The following ZNF875 variants were observed in gnomAD, a reference collection of about 807,000 sequenced individuals.
ZNF875 encodes HKR1, GLI-Kruppel zinc finger family member.
In ZNF875, 14 loss-of-function variants were observed where a neutral mutation model predicts 11.2. The observed-to-expected ratio is 1.26, with a 90% CI of 0.83 to 1.96. ZNF875 has a LOEUF of 1.96. ZNF875 is among the 30% of genes most tolerant of loss of function. The pLI is 0.00. For missense variants in ZNF875, 752 were observed against 760.4 expected (o/e 0.99, Z 0.13); for synonymous variants, 301 against 281.1 (o/e 1.07, Z -0.71).
intron 2 of ZNF875, among the ~76,000 whole-genome samples, chr19:37,341,631 T>C (rs2035740597): frequency 6.6e-6 from 1 of 152,164 alleles, no homozygotes; most frequent in African/African-American, 2.4e-5. Flanking sequence ...AGGGAGTAGA[T>C]ACAGGGAGAC....
intron 2 of ZNF875, among the ~76,000 whole-genome samples, chr19:37,335,868 T>C (rs1363036783): frequency 6.6e-6 from 1 of 152,212 alleles, no homozygotes; most frequent in Non-Finnish European, 1.5e-5. Context: ...TTTGGTCTTT[T>C]CGGCTCCAAA....
At chr19:37,320,858 A>G (rs2031276212) in intron 1 of ZNF875, among the ~76,000 whole-genome samples, 1 of 152,202 alleles carries the variant, frequency 6.6e-6, no homozygotes, top group Non-Finnish European at 1.5e-5. Flanking sequence ...AAGAGACTCC[A>G]TTTTGTTCTG....
intron 2 of ZNF875, among the ~76,000 whole-genome samples, chr19:37,338,095 C>A (rs1423713281): frequency 6.6e-6 from 1 of 152,054 alleles, no homozygotes; most frequent in African/African-American, 2.4e-5. Context: ...AGGACATTTC[C>A]CAAGGTAACA....
intron 2 of ZNF875, among the ~76,000 whole-genome samples, chr19:37,341,706 A>C (rs35828893): frequency 0.21 from 31,502 of 152,078 alleles, 3,769 homozygotes; most frequent in Middle Eastern, 0.28. Context: ...CCCCCTCCCA[A>C]GATCCCCAAA....
chr19:37,357,198 TAC>T (rs2039063394), intron 4 of ZNF875, among the ~76,000 whole-genome samples: 1 of 152,190 alleles, frequency 6.6e-6, no homozygotes, highest in South Asian at 2.1e-4. Context: ...TTTTTGTACT[TAC>T]ACCGTGCTGT....
Position 37,347,799 on chromosome 19 carries a change from A to C in ZNF875, c.183A>C (p.Lys61Asn). The change falls in exon 4 of 5, where the codon AAA becomes AAC. Residue 61 changes from lysine to asparagine, a missense_variant. By Grantham distance (94) the Lys-to-Asn change is moderately conservative (BLOSUM62 0). Transcript: ENST00000392153. ...VSLEIPSSKPKLIAQLERGEA... is the reference protein window; with the variant it reads ...VSLEIPSSKPNLIAQLERGEA... ...CAGAAATTCCATCTTCTAAACCAAAACTCATTGCTCAGCTGGAGCGAGGGG... is the reference window on the plus strand; with the variant it reads ...CAGAAATTCCATCTTCTAAACCAAACCTCATTGCTCAGCTGGAGCGAGGGG... 1.2e-6 allele frequency: 2 copies of C among 1,613,032 alleles called. No individual in the cohort carries two copies. The highest frequency in any genetic ancestry group is 1.7e-6 in the Non-Finnish European group (2 of 1,179,146).
At chr19:37,345,357 T>C (rs920030413) in intron 2 of ZNF875, among the ~76,000 whole-genome samples, 4 of 151,836 alleles carry the variant, frequency 2.6e-5, no homozygotes. Context: ...GTAGGTAGAG[T>C]CTTAAGGCCA....
intron 4 of ZNF875, among the ~76,000 whole-genome samples, chr19:37,348,491 T>G (rs1177304555): frequency 1.3e-5 from 2 of 152,218 alleles, no homozygotes; most frequent in African/African-American, 4.8e-5. Context: ...CTAAATCATC[T>G]ATATTGTTGT....
At chr19:37,346,073 T>C (rs73930971) in intron 2 of ZNF875, among the ~76,000 whole-genome samples, 46 of 152,334 alleles carry the variant, frequency 3.0e-4, no homozygotes, top group African/African-American at 1.1e-3. Flanking sequence ...ATGGAACTGA[T>C]GTCTTAGTGG....
At chr19:37,347,933 G>A in intron 4 of ZNF875, 61 bp downstream of exon 4, 2 of 961,402 alleles carry the variant, frequency 2.1e-6, no homozygotes, top group South Asian at 1.3e-5. Context: ...GAAGGAGGAG[G>A]CATCTCTCAG....
intron 2 of ZNF875, among the ~76,000 whole-genome samples, chr19:37,339,300 C>G (rs746739934): frequency 1.1e-4 from 17 of 152,132 alleles, no homozygotes; most frequent in African/African-American, 4.1e-4. Flanking sequence ...AAACAGCCAA[C>G]ACTTATCCCA....
chr19:37,325,380 A>G (rs1424472309), intron 4 of ZNF875, among the ~76,000 whole-genome samples: 1 of 152,188 alleles, frequency 6.6e-6, no homozygotes, highest in African/African-American at 2.4e-5. Flanking sequence ...GCTTTCCAAT[A>G]GAAATACAAT....
chr19:37,362,182 T>C lies in ZNF875; in HGVS notation c.330T>C (p.His110=), dbSNP rs1160508412. 2 of 1,613,986 alleles carry C rather than the reference T, an allele frequency of 1.2e-6. No homozygotes were observed. Among genetic ancestry groups the C allele is most frequent in the Non-Finnish European group, 1.7e-6 (2 of 1,180,002 alleles). The change falls in exon 5 of 5, where the codon CAT becomes CAC. Residue 110 remains histidine, a synonymous_variant. Coordinates refer to ENST00000392153, the MANE Select transcript of ZNF875 (RefSeq NM_001353803.2). ...CCAGTCAGCAAGCTCTCAGCCAACA[T>C]GTGTGGCTGAGTCATCTCTCTCAGC... is the stretch of plus-strand genomic sequence containing the variant. The part of the protein sequence containing the change: ...IFSSQQALSQ[H]VWLSHLSQLF...
chr19:37,359,879 A>G (rs1489833400), intron 4 of ZNF875: 4 of 152,226 alleles, frequency 2.6e-5, no homozygotes, highest in Non-Finnish European at 4.4e-5. Context: ...TCTGTGGCTT[A>G]TCTTTTCATT....
At chr19:37,350,263 C>T (rs2037618709) in intron 4 of ZNF875, among the ~76,000 whole-genome samples, 1 of 151,906 alleles carries the variant, frequency 6.6e-6, no homozygotes, top group Non-Finnish European at 1.5e-5. Flanking sequence ...ATGCATGCCA[C>T]CACGCCCGGC....
At chr19:37,331,186 CAAAAAAAA>C (rs71177440), upstream of ZNF875, among the ~76,000 whole-genome samples, 1 of 74,778 alleles carries the variant, frequency 1.3e-5, no homozygotes, top group Non-Finnish European at 2.3e-5. Context: ...GACTCTGTCT[CAAAAAAAA>C]AAAAAAAAAA....
upstream of ZNF875, chr19:37,315,645 T>C (rs1300944065): frequency 6.6e-6 from 1 of 152,122 alleles, no homozygotes; most frequent in Admixed American, 6.5e-5. Flanking sequence ...TCCAATAGGA[T>C]GCAGACAGAC....
At chr19:37,350,869 A>G (rs1017394752) in intron 4 of ZNF875, among the ~76,000 whole-genome samples, 1 of 146,322 alleles carries the variant, frequency 6.8e-6, no homozygotes, top group Non-Finnish European at 1.5e-5. Context: ...CAGTGGTGCA[A>G]TCCCAGCTCA....
chr19:37,321,859 C>G (rs1194943091), intron 1 of ZNF875, among the ~76,000 whole-genome samples: 1 of 152,112 alleles, frequency 6.6e-6, no homozygotes, highest in African/African-American at 2.4e-5. Flanking sequence ...TTAAAACTAC[C>G]ACAGCAACAT....
Sources: allele counts gnomAD v4.1 joint callset (sites outside exome capture counted in the v4.1 genomes callset), GRCh38; gene constraint gnomAD v4.1.1; transcripts MANE v1.5; gene names NCBI Gene and HGNC (gene_info 2026-07-23, HGNC 2026-07-21).